Variants in SPEF2 observed in about 807,000 individuals in gnomAD.
The protein encoded by SPEF2 is sperm flagellar and cilia associated 2, also known as sperm flagella and cilia-associated protein 2.
Under a neutral mutation model 224.6 loss-of-function variants are expected in SPEF2, and 187 were observed. The ratio of observed to expected loss-of-function variants is 0.83; its 90% CI spans 0.74 to 0.94. The LOEUF is 0.94. SPEF2 is among the 40% of genes least tolerant of loss of function. The pLI, the probability that SPEF2 is intolerant of heterozygous loss-of-function variation, is 0.00. For synonymous variants in SPEF2, 715 were observed against 707.3 expected (o/e 1.01, Z -0.17); for missense variants, 2,170 against 2,135.6 (o/e 1.02, Z -0.32).
intron 24 of SPEF2, among the ~76,000 whole-genome samples, chr5:35,757,998 C>A (rs1750692486): frequency 6.6e-6 from 1 of 152,120 alleles, no homozygotes; most frequent in South Asian, 2.1e-4. Flanking sequence ...TTTTCTATAT[C>A]AAATACAGAC....
At chr5:35,648,085 T>G (rs1469265538) in intron 5 of SPEF2, among the ~76,000 whole-genome samples, 1 of 152,192 alleles carries the variant, frequency 6.6e-6, no homozygotes, top group Non-Finnish European at 1.5e-5. Flanking sequence ...ATCTTTAATT[T>G]GTAAATAACT....
At chr5:35,755,829 C>G (rs1484478845) in intron 24 of SPEF2, among the ~76,000 whole-genome samples, 1 of 152,128 alleles carries the variant, frequency 6.6e-6, no homozygotes, top group South Asian at 2.1e-4. Flanking sequence ...AGGCTGCTCT[C>G]GAGCTCCTGA....
chr5:35,811,870 C>T (rs982795012), intron 36 of SPEF2, among the ~76,000 whole-genome samples: 1 of 149,064 alleles, frequency 6.7e-6, no homozygotes, highest in Non-Finnish European at 1.5e-5. Flanking sequence ...CTGCAAGCTG[C>T]ACCTCCCGGG....
At chr5:35,745,379 C>G (rs1748335180) in intron 23 of SPEF2, among the ~76,000 whole-genome samples, 2 of 152,128 alleles carry the variant, frequency 1.3e-5, no homozygotes, top group African/African-American at 2.4e-5. Context: ...AGGGGAAGAC[C>G]CAAGCCCTTT....
chr5:35,677,668 T>C (rs1752215449), intron 10 of SPEF2, among the ~76,000 whole-genome samples: 1 of 152,204 alleles, frequency 6.6e-6, no homozygotes, highest in Non-Finnish European at 1.5e-5. Flanking sequence ...GTGACTGAAC[T>C]ACTTTTCCAC....
chr5:35,755,369 A>G (rs1750284762), intron 24 of SPEF2, among the ~76,000 whole-genome samples: 1 of 152,186 alleles, frequency 6.6e-6, no homozygotes. Context: ...CCAATAATGA[A>G]GGCATAGGGA....
intron 16 of SPEF2, among the ~76,000 whole-genome samples, chr5:35,701,990 C>A (rs1332693989): frequency 6.6e-6 from 1 of 152,086 alleles, no homozygotes; most frequent in Non-Finnish European, 1.5e-5. Context: ...AAAAAAATTG[C>A]ATTGCTCTGT....
intron 28 of SPEF2, among the ~76,000 whole-genome samples, chr5:35,774,957 T>A (rs976324918): frequency 2.0e-5 from 3 of 152,348 alleles, no homozygotes; most frequent in African/African-American, 7.2e-5. Context: ...GTTTTCAGTA[T>A]ACTTCATCTT....
intron 31 of SPEF2, 92 bp from the exon 32 acceptor site, chr5:35,793,067 C>A: frequency 8.3e-7 from 1 of 1,205,458 alleles, no homozygotes; most frequent in South Asian, 1.5e-5. Flanking sequence ...CTACTTCTTT[C>A]ATGGGAAACT....
At chr5:35,801,377 G>A (rs1757398497) in intron 34 of SPEF2, among the ~76,000 whole-genome samples, 1 of 152,122 alleles carries the variant, frequency 6.6e-6, no homozygotes, top group Non-Finnish European at 1.5e-5. Context: ...GTTGGATGTG[G>A]TGGTGTGTGC....
chr5:35,782,395 A>G (rs1349802919), intron 30 of SPEF2, among the ~76,000 whole-genome samples: 1 of 152,226 alleles, frequency 6.6e-6, no homozygotes, highest in Non-Finnish European at 1.5e-5. Flanking sequence ...CATGCAATCC[A>G]TAATATCTAA....
At chr5:35,694,776 G>A (rs1755055515) in intron 13 of SPEF2, among the ~76,000 whole-genome samples, 1 of 152,150 alleles carries the variant, frequency 6.6e-6, no homozygotes, top group African/African-American at 2.4e-5. Context: ...GTAGGGGCTG[G>A]TCTTTTTATC....
intron 20 of SPEF2, among the ~76,000 whole-genome samples, chr5:35,713,827 GTGT>G (rs367992979): frequency 5.3e-4 from 1 of 1,870 alleles, no homozygotes; most frequent in African/African-American, 2.2e-3. Flanking sequence ...GTTATATATA[GTGT>G]TATATATTTT....
intron 1 of SPEF2, among the ~76,000 whole-genome samples, chr5:35,623,452 TC>T (rs1197161684): frequency 6.6e-6 from 1 of 152,212 alleles, no homozygotes; most frequent in Non-Finnish European, 1.5e-5. Context: ...GGGTCTGCAG[TC>T]CCTTACCTAA....
At chr5:35,795,911 C>G in intron 33 of SPEF2, 116 bp downstream of exon 33, 1 of 869,460 alleles carries the variant, frequency 1.2e-6, no homozygotes, top group Non-Finnish European at 1.8e-6. Flanking sequence ...AATTCCTCTG[C>G]TGCCTCTCCA....
At chr5:35,642,718 C>T (rs1746774475) in intron 3 of SPEF2, among the ~76,000 whole-genome samples, 2 of 152,108 alleles carry the variant, frequency 1.3e-5, no homozygotes, top group Non-Finnish European at 2.9e-5. Context: ...ATGAGTGCTG[C>T]ACTGATGCAA....
chr5:35,674,337 C>CTTTTTTTTTT, intron 10 of SPEF2, among the ~76,000 whole-genome samples: 1 of 94,464 alleles, frequency 1.1e-5, no homozygotes, highest in Non-Finnish European at 2.1e-5. Context: ...TTTTCGTCTT[C>CTTTTTTTTTT]TTTTTTTTTT....
intron 23 of SPEF2, among the ~76,000 whole-genome samples, chr5:35,745,349 G>A (rs922128237): frequency 1.1e-4 from 17 of 152,152 alleles, no homozygotes; most frequent in Admixed American, 2.0e-4. Flanking sequence ...GTGCACATCC[G>A]GTGTGCAGAC....
At chr5:35,787,830 G>A in intron 30 of SPEF2, 1 of 547,582 alleles carries the variant, frequency 1.8e-6, no homozygotes, top group Non-Finnish European at 3.2e-6. Context: ...TAGAAATTGG[G>A]ATTACTTAAA....
Sources: gnomAD v4.1 joint callset for allele counts (sites outside exome capture counted in the v4.1 genomes callset) on GRCh38, gnomAD v4.1.1 for gene constraint, MANE v1.5 for transcripts, NCBI Gene and HGNC (gene_info 2026-07-23, HGNC 2026-07-21) for gene names.